DACH2: variants seen among roughly 807,000 people sequenced by gnomAD.
DACH2 encodes dachshund homolog 2.
In DACH2, 17 loss-of-function variants were observed where a neutral mutation model predicts 35.8. The observed-to-expected ratio is 0.48, with a 90% CI of 0.33 to 0.71. DACH2 has a LOEUF of 0.71. Among genes scored for constraint, DACH2 ranks in the 30% least tolerant of loss-of-function variants. DACH2 has a pLI of 0.02. For synonymous variants in DACH2, 195 were observed against 177.3 expected, an observed-to-expected ratio of 1.10 and a Z score of -0.79; for missense variants, 469 against 472.7, an observed-to-expected ratio of 0.99 and a Z score of 0.07.
intron 4 of DACH2, among the ~76,000 whole-genome samples, chrX:86,678,232 C>A (rs1236432613): frequency 8.9e-6 from 1 of 111,902 alleles, no homozygotes; most frequent in African/African-American, 3.2e-5. Context: ...TTTTTCAGAC[C>A]ATGATATTTT....
intron 7 of DACH2, among the ~76,000 whole-genome samples, chrX:86,775,089 CA>C (rs1294816866): frequency 3.6e-5 from 4 of 111,497 alleles, no homozygotes; most frequent in Non-Finnish European, 7.5e-5. Context: ...GTGAATGTCA[CA>C]AAGCATTAAA....
intron 3 of DACH2, among the ~76,000 whole-genome samples, chrX:86,547,212 G>A (rs1335484442): frequency 1.8e-5 from 2 of 111,466 alleles, no homozygotes; most frequent in East Asian, 5.7e-4. Flanking sequence ...TCAACCTGTG[G>A]AAACACAACA....
At chrX:86,359,134 TTTAA>T (rs1348824859) in intron 1 of DACH2, among the ~76,000 whole-genome samples, 3 of 109,299 alleles carry the variant, frequency 2.7e-5, no homozygotes, top group African/African-American at 1.0e-4. Flanking sequence ...CATGTGTGTA[TTTAA>T]TTAAAGAGTG....
chrX:86,381,648 G>A (rs1455253959), intron 2 of DACH2, among the ~76,000 whole-genome samples: 5 of 110,869 alleles, frequency 4.5e-5, no homozygotes, highest in Non-Finnish European at 9.5e-5. Context: ...AATAGTATAT[G>A]CTTTGATCTA....
intron 5 of DACH2, among the ~76,000 whole-genome samples, chrX:86,703,960 A>G (rs1022771458): frequency 1.5e-4 from 17 of 112,267 alleles, no homozygotes; most frequent in Non-Finnish European, 3.0e-4. Context: ...CTATCATAAA[A>G]TTCATATGGA....
At chrX:86,323,009 G>A (rs2035045016) in intron 1 of DACH2, among the ~76,000 whole-genome samples, 1 of 112,545 alleles carries the variant, frequency 8.9e-6, no homozygotes, top group South Asian at 3.7e-4. Flanking sequence ...CTAGCAGAGG[G>A]ACGTAAAAGG....
At chrX:86,536,901 T>C (rs764337653) in intron 3 of DACH2, among the ~76,000 whole-genome samples, 29 of 111,248 alleles carry the variant, frequency 2.6e-4, no homozygotes, top group African/African-American at 8.2e-4. Context: ...CAGATACCTT[T>C]TGGTTTATAT....
At chrX:86,227,061 A>G (rs1337008067) in intron 1 of DACH2, among the ~76,000 whole-genome samples, 2 of 111,610 alleles carry the variant, frequency 1.8e-5, no homozygotes, top group Non-Finnish European at 3.8e-5. Flanking sequence ...TATTCTTTCA[A>G]ATATATTTAC....
chrX:86,278,786 C>A (rs1292514054), intron 1 of DACH2, among the ~76,000 whole-genome samples: 1 of 111,751 alleles, frequency 8.9e-6, no homozygotes, highest in Non-Finnish European at 1.9e-5. Flanking sequence ...AAGCTAAGAT[C>A]CACTGGCTTG....
At chrX:86,783,021 A>C (rs765328850) in intron 7 of DACH2, among the ~76,000 whole-genome samples, 1 of 112,099 alleles carries the variant, frequency 8.9e-6, no homozygotes, top group South Asian at 3.7e-4. Flanking sequence ...CCCATCTGGC[A>C]AGGGATTAAT....
chrX:86,521,499 G>C (rs749384274), intron 3 of DACH2, among the ~76,000 whole-genome samples: 1 of 111,643 alleles, frequency 9.0e-6, no homozygotes, highest in Non-Finnish European at 1.9e-5. Flanking sequence ...TGTTTTTCAA[G>C]TTACTCATAC....
chrX:86,422,212 G>A (rs1336859527), intron 2 of DACH2, among the ~76,000 whole-genome samples: 1 of 110,327 alleles, frequency 9.1e-6, no homozygotes, highest in African/African-American at 3.3e-5. Context: ...GAAATGAGTT[G>A]AATAAATATT....
At chrX:86,750,848 C>T (rs1172713348) in intron 7 of DACH2, among the ~76,000 whole-genome samples, 3 of 111,435 alleles carry the variant, frequency 2.7e-5, no homozygotes, top group Non-Finnish European at 5.7e-5. Context: ...CATAAGTTGG[C>T]ATTTGGGTTA....
chrX:86,180,318 G>T, intron 1 of DACH2, among the ~76,000 whole-genome samples: 1 of 103,734 alleles, frequency 9.6e-6, no homozygotes, highest in East Asian at 3.0e-4. Context: ...TTTCTTATGG[G>T]TACATTTGTG....
chrX:86,498,962 T>C (rs2038211417), intron 2 of DACH2, among the ~76,000 whole-genome samples: 1 of 112,214 alleles, frequency 8.9e-6, no homozygotes, highest in Non-Finnish European at 1.9e-5. Context: ...AGCTGATTAC[T>C]TAGCTGCTTT....
chrX:86,648,753 T>A (rs2040443536), intron 3 of DACH2, among the ~76,000 whole-genome samples: 1 of 110,769 alleles, frequency 9.0e-6, no homozygotes, highest in African/African-American at 3.3e-5. Flanking sequence ...TTTTTGTATC[T>A]CAATTGTACC....
chrX:86,460,815 A>G (rs1266083375), intron 2 of DACH2, among the ~76,000 whole-genome samples: 1 of 110,853 alleles, frequency 9.0e-6, no homozygotes, highest in Non-Finnish European at 1.9e-5. Context: ...TATTCAAATT[A>G]GTAATTTTCA....
Position 86,292,262 on chromosome X carries a change from G to A in DACH2, c.489-84562G>A, listed in dbSNP as rs376737638. Among the ~76,000 whole-genome samples, 457 of 52,388 alleles carry A rather than the reference G, an allele frequency of 8.7e-3. 18 individuals carry two copies. In the East Asian group the frequency reaches 0.13, roughly 15 times the overall value. The allele number at this position is 52,388 out of a possible 115,157, so 45.5% of individuals were successfully genotyped here. On this transcript the variant is annotated intron_variant, in intron 1 of 11. Transcript: ENST00000373125. ...TGGTAGTTTGTATTTCTGTGGGATC[G>A]GTGGTGATATCCCCTTTATCATTTT...
intron 3 of DACH2, among the ~76,000 whole-genome samples, chrX:86,597,485 T>A (rs2039727627): frequency 8.9e-6 from 1 of 112,046 alleles, no homozygotes; most frequent in African/African-American, 3.2e-5. Context: ...TTTCTTTTTG[T>A]TATTAATTTC....
Sources: allele counts gnomAD v4.1 joint callset (sites outside exome capture counted in the v4.1 genomes callset), GRCh38; gene constraint gnomAD v4.1.1; transcripts MANE v1.5; gene names NCBI Gene and HGNC (gene_info 2026-07-23, HGNC 2026-07-21).